The following PLXNC1 variants were observed in gnomAD, a reference collection of about 807,000 sequenced individuals.
The protein encoded by PLXNC1 is plexin-C1.
Under a neutral mutation model 178.2 loss-of-function variants are expected in PLXNC1, and 75 were observed. The ratio of observed to expected loss-of-function variants is 0.42; its 90% CI spans 0.35 to 0.51. The LOEUF is 0.51. PLXNC1 is among the 20% of genes least tolerant of loss of function. The pLI is 0.02. For synonymous variants in PLXNC1, 790 were observed against 779.9 expected (o/e 1.01, Z -0.22); for missense variants, 1,503 against 1,984.4 (o/e 0.76, Z 4.61).
At chr12:94,246,107 G>A (rs1268188895) in intron 12 of PLXNC1, among the ~76,000 whole-genome samples, 1 of 152,236 alleles carries the variant, frequency 6.6e-6, no homozygotes, top group African/African-American at 2.4e-5. Flanking sequence ...AGAAGAGAGT[G>A]TCCAACCCCC....
At position 94,149,790 on chromosome 12, in the gene PLXNC1, G is replaced by T. The variant is rs1300644874; in HGVS notation, c.819G>T (p.Val273=). 6.2e-7 allele frequency: 1 copy of T among 1,607,186 alleles called. No homozygotes were observed. Among genetic ancestry groups the T allele is most frequent in the South Asian group, 1.1e-5 (1 of 90,486 alleles). ...SMARIAQSTE[V]LFQGQASLDC... ...CGCGCATCGCGCAGAGCACCGAGGT[G>T]CTGTTCCAGGGCCAGGCATCCCTCG... Residue 273 remains valine (V), a synonymous_variant, in exon 1 of 31, where the codon GTG becomes GTT. Transcript: ENST00000258526.
At chr12:94,248,621 G>A (rs566081766) in intron 14 of PLXNC1, among the ~76,000 whole-genome samples, 11 of 152,188 alleles carry the variant, frequency 7.2e-5, no homozygotes, top group South Asian at 2.1e-4. Context: ...ACGTCAAAGC[G>A]TTGGACACAC....
chr12:94,152,452 G>C (rs1960995888), intron 1 of PLXNC1, among the ~76,000 whole-genome samples: 1 of 152,202 alleles, frequency 6.6e-6, no homozygotes, highest in South Asian at 2.1e-4. Context: ...CTTGTGTAAT[G>C]GGGTCATGGG....
At chr12:94,286,616 CAAAAAAAAAAAAA>C (rs61238982) in intron 23 of PLXNC1, among the ~76,000 whole-genome samples, 7 of 101,408 alleles carry the variant, frequency 6.9e-5, no homozygotes, top group Non-Finnish European at 1.1e-4. Context: ...TGCTTAAAAG[CAAAAAAAAAAAAA>C]AAAAAAAAAA....
At chr12:94,215,419 G>C (rs1008932304) in intron 5 of PLXNC1, among the ~76,000 whole-genome samples, 1 of 151,862 alleles carries the variant, frequency 6.6e-6, no homozygotes, top group South Asian at 2.1e-4. Flanking sequence ...AATGATTTTT[G>C]AGTTAGTGTT....
At chr12:94,181,196 A>G (rs1962289579) in intron 2 of PLXNC1, among the ~76,000 whole-genome samples, 1 of 151,906 alleles carries the variant, frequency 6.6e-6, no homozygotes, top group Non-Finnish European at 1.5e-5. Context: ...TCAGGAGATC[A>G]AAACCATCCT....
chr12:94,274,155 T>TAAAAAAAAAAAAAAAAAAAAAAA (rs3060881), intron 21 of PLXNC1, among the ~76,000 whole-genome samples: 1 of 45,376 alleles, frequency 2.2e-5, no homozygotes, highest in African/African-American at 1.2e-4. Context: ...ACCCTGTCTC[T>TAAAAAAAAAAAAAAAAAAAAAAA]AAAAAAAAAA....
rs574539749 is a variant in PLXNC1, at chr12:94,287,000, G to A, written c.3879+4599G>A. 2.0e-5 allele frequency among the ~76,000 whole-genome samples: 3 copies of A among 152,270 alleles called. No homozygotes were observed. In the East Asian group the frequency reaches 5.8e-4, roughly 29 times the overall value. ...CTGTCACCTACTGGCTGACACCCTT[G>A]GCAACCCCCAGCACCGGGGAATTGC... is the stretch of plus-strand genomic sequence containing the variant. On this transcript the variant is annotated intron_variant, in intron 23 of 30. Coordinates refer to ENST00000258526, the MANE Select transcript of PLXNC1 (RefSeq NM_005761.3).
intron 21 of PLXNC1, among the ~76,000 whole-genome samples, chr12:94,279,050 C>G (rs1295328600): frequency 6.6e-6 from 1 of 152,122 alleles, no homozygotes; most frequent in Non-Finnish European, 1.5e-5. Flanking sequence ...GTAACCTTCC[C>G]TGTCACCTAG....
intron 9 of PLXNC1, among the ~76,000 whole-genome samples, chr12:94,233,663 G>A (rs1015238485): frequency 6.6e-6 from 1 of 152,198 alleles, no homozygotes; most frequent in Admixed American, 6.5e-5. Flanking sequence ...CCTGGAGCCT[G>A]TACCGAGGGG....
chr12:94,231,762 T>C (rs1964110352), intron 9 of PLXNC1, among the ~76,000 whole-genome samples: 1 of 152,188 alleles, frequency 6.6e-6, no homozygotes, highest in African/African-American at 2.4e-5. Context: ...ACCGTCTGTC[T>C]GTTTCTTTCC....
chr12:94,170,595 A>C (rs975539657), intron 2 of PLXNC1, among the ~76,000 whole-genome samples: 2 of 152,056 alleles, frequency 1.3e-5, no homozygotes, highest in African/African-American at 4.8e-5. Flanking sequence ...CTTGTGGCTC[A>C]TTCCAAATGT....
At chr12:94,224,732 G>T (rs909407069) in intron 7 of PLXNC1, among the ~76,000 whole-genome samples, 2 of 151,966 alleles carry the variant, frequency 1.3e-5, no homozygotes, top group Non-Finnish European at 2.9e-5. Flanking sequence ...ATAGTGAGAC[G>T]CCATCGCTAC....
chr12:94,214,629 G>T (rs1191368967), intron 5 of PLXNC1, among the ~76,000 whole-genome samples: 4 of 152,156 alleles, frequency 2.6e-5, no homozygotes, highest in Non-Finnish European at 5.9e-5. Context: ...AGTGCTGAAT[G>T]TTCAATAAAT....
intron 5 of PLXNC1, among the ~76,000 whole-genome samples, chr12:94,210,709 G>A (rs964057207): frequency 5.3e-5 from 8 of 152,068 alleles, no homozygotes; most frequent in Non-Finnish European, 1.2e-4. Flanking sequence ...TGATCAGAAC[G>A]AACAGATTTA....
intron 1 of PLXNC1, among the ~76,000 whole-genome samples, chr12:94,160,640 G>A (rs964592582): frequency 1.3e-5 from 2 of 152,144 alleles, no homozygotes; most frequent in Non-Finnish European, 2.9e-5. Flanking sequence ...AGCAGCTGGT[G>A]GCTGTAGGTG....
Position 94,282,400 on chromosome 12 carries a change from A to G in PLXNC1, c.3878A>G (p.Glu1293Gly). 1 of 1,598,198 alleles carries G rather than the reference A, an allele frequency of 6.3e-7. No homozygotes were observed. Among genetic ancestry groups the G allele is most frequent in the Non-Finnish European group, 8.6e-7 (1 of 1,165,546 alleles). Reference sequence around the variant, plus strand: ...AAGCTAAACACCATTGGCCACTATGAGGTAAGAGCAAGACTTGACCCCGTG... The same window carrying G: ...AAGCTAAACACCATTGGCCACTATGGGGTAAGAGCAAGACTTGACCCCGTG... Reference protein sequence around the residue: ...ITKLNTIGHYEISNGSTIKVF... With the variant: ...ITKLNTIGHYGISNGSTIKVF... The change falls in exon 23 of 31, where the codon GAG becomes GGG. Residue 1293 changes from glutamate (E) to glycine (G), a missense_variant and splice_region_variant. Physicochemically the swap from Glu to Gly is moderately conservative, Grantham distance 98 (BLOSUM62 -2). This residue lies in a region of PLXNC1 where 639 missense variants were observed against 979.7 expected (regional missense o/e 0.65). Transcript: ENST00000258526.
chr12:94,176,669 G>T (rs1399242478), intron 2 of PLXNC1, among the ~76,000 whole-genome samples: 2 of 152,056 alleles, frequency 1.3e-5, no homozygotes, highest in African/African-American at 4.8e-5. Flanking sequence ...TCCGTGAAAG[G>T]CACCTGGTCT....
At chr12:94,186,295 C>A (rs1962505768) in intron 3 of PLXNC1, 78 bp from the exon 4 acceptor site, 1 of 1,012,682 alleles carries the variant, frequency 9.9e-7, no homozygotes, top group East Asian at 2.4e-5. Flanking sequence ...TCTTTTTGGC[C>A]CTTCATTAGA....
Sources: gnomAD v4.1 joint callset for allele counts (sites outside exome capture counted in the v4.1 genomes callset) on GRCh38, gnomAD v4.1.1 for gene constraint, gnomAD v4.1.1 regional missense constraint, MANE v1.5 for transcripts, NCBI Gene and HGNC (gene_info 2026-07-23, HGNC 2026-07-21) for gene names.